RAB38: variants seen among roughly 807,000 people sequenced by gnomAD.
RAB38 encodes the protein RAB38, member RAS oncogene family.
In RAB38, 15 loss-of-function variants were observed where a neutral mutation model predicts 18.4. That is an observed-to-expected ratio of 0.82 (90% CI 0.55 to 1.26). RAB38 has a LOEUF of 1.26. RAB38 is among the 50% of genes most tolerant of loss of function. RAB38 has a pLI of 0.00. For missense variants in RAB38, 294 were observed against 267.4 expected, an observed-to-expected ratio of 1.10 and a Z score of -0.69; for synonymous variants, 101 against 104.4, an observed-to-expected ratio of 0.97 and a Z score of 0.20.
At chr11:87,962,740 G>A in the RAB38 span, among the ~76,000 whole-genome samples, 1 of 152,150 alleles carries the variant, frequency 6.6e-6, no homozygotes, top group African/African-American at 2.4e-5. Context: ...TAAATGTTTT[G>A]AGATTTATTG....
At chr11:88,161,131 T>C (rs1381592949) in intron 1 of RAB38, among the ~76,000 whole-genome samples, 1 of 152,160 alleles carries the variant, frequency 6.6e-6, no homozygotes, top group Non-Finnish European at 1.5e-5. Context: ...ATATGTCATG[T>C]AATGTAGCAC....
chr11:88,008,819 A>G, the RAB38 span, among the ~76,000 whole-genome samples: 17 of 152,122 alleles, frequency 1.1e-4, no homozygotes, highest in Non-Finnish European at 2.4e-4. Flanking sequence ...GACTACAGGC[A>G]CCTGCCACCA....
chr11:88,048,308 G>A, the RAB38 span, among the ~76,000 whole-genome samples: 1 of 152,140 alleles, frequency 6.6e-6, no homozygotes, highest in Non-Finnish European at 1.5e-5. Context: ...TCCTCGGTTT[G>A]GCCTTCTCAC....
chr11:88,038,409 C>A, the RAB38 span, among the ~76,000 whole-genome samples: 1 of 152,130 alleles, frequency 6.6e-6, no homozygotes, highest in Non-Finnish European at 1.5e-5. Context: ...TATTTTTCTC[C>A]ATAATGTTTG....
At chr11:87,870,310 C>G in the RAB38 span, among the ~76,000 whole-genome samples, 1 of 151,544 alleles carries the variant, frequency 6.6e-6, no homozygotes, top group African/African-American at 2.4e-5. Flanking sequence ...GTCAGACACA[C>G]GGATATCATC....
chr11:87,925,091 C>T, the RAB38 span, among the ~76,000 whole-genome samples: 1 of 152,008 alleles, frequency 6.6e-6, no homozygotes, highest in Admixed American at 6.6e-5. Context: ...AGAAGCTCTT[C>T]TCTCTCACTG....
chr11:88,024,917 TAG>T, the RAB38 span, among the ~76,000 whole-genome samples: 1 of 51,670 alleles, frequency 1.9e-5, no homozygotes, highest in Non-Finnish European at 7.5e-5. Context: ...ACAAAAAAAA[TAG>T]TTAGAAAGAA....
the RAB38 span, among the ~76,000 whole-genome samples, chr11:88,017,446 T>C: frequency 2.6e-5 from 4 of 151,978 alleles, no homozygotes; most frequent in Non-Finnish European, 2.9e-5. Flanking sequence ...ACTTCTTCAT[T>C]ATATTTATTC....
chr11:88,117,427 A>T (rs763776140), intron 2 of RAB38, among the ~76,000 whole-genome samples: 2 of 152,226 alleles, frequency 1.3e-5, no homozygotes, highest in Non-Finnish European at 2.9e-5. Context: ...CAGTAACCAC[A>T]GTACTATAAA....
At chr11:87,821,858 A>C in the RAB38 span, among the ~76,000 whole-genome samples, 1 of 152,190 alleles carries the variant, frequency 6.6e-6, no homozygotes, top group East Asian at 1.9e-4. Flanking sequence ...CTTAAAAAAA[A>C]AAAAAAAGGA....
the RAB38 span, among the ~76,000 whole-genome samples, chr11:87,925,403 G>A: frequency 6.6e-6 from 1 of 152,004 alleles, no homozygotes; most frequent in African/African-American, 2.4e-5. Flanking sequence ...CTGTGTTAGG[G>A]TTAGGGTTAG....
chr11:87,811,416 TCTAA>T, the RAB38 span, among the ~76,000 whole-genome samples: 33 of 152,352 alleles, frequency 2.2e-4, no homozygotes, highest in East Asian at 1.2e-3. Context: ...CTCATGCCTA[TCTAA>T]CTACCTGTAA....
the RAB38 span, among the ~76,000 whole-genome samples, chr11:87,804,237 A>T: frequency 6.6e-6 from 1 of 151,630 alleles, no homozygotes; most frequent in East Asian, 1.9e-4. Context: ...TTTACTTTCT[A>T]CCTCTCTCCA....
At chr11:87,977,451 T>C in the RAB38 span, among the ~76,000 whole-genome samples, 4 of 89,112 alleles carry the variant, frequency 4.5e-5, no homozygotes, top group Non-Finnish European at 8.0e-5. Flanking sequence ...ATAATTATAT[T>C]ACATAATATA....
At chr11:88,065,350 C>T in the RAB38 span, among the ~76,000 whole-genome samples, 491 of 152,298 alleles carry the variant, frequency 3.2e-3, 4 homozygotes, top group African/African-American at 0.011. Context: ...CTCCCTTAAA[C>T]CCCAATTTTA....
chr11:88,122,149 G>A (rs1375998087), intron 2 of RAB38, among the ~76,000 whole-genome samples: 1 of 151,980 alleles, frequency 6.6e-6, no homozygotes, highest in Non-Finnish European at 1.5e-5. Flanking sequence ...ACCTTAATAC[G>A]AGGCAGACAC....
the RAB38 span, among the ~76,000 whole-genome samples, chr11:87,867,011 G>C: frequency 3.3e-5 from 5 of 151,870 alleles, no homozygotes; most frequent in South Asian, 8.3e-4. Context: ...CATTGCCTTG[G>C]AAGGTATTTG....
At chr11:87,966,481 G>C in the RAB38 span, among the ~76,000 whole-genome samples, 7 of 151,986 alleles carry the variant, frequency 4.6e-5, no homozygotes, top group African/African-American at 1.7e-4. Flanking sequence ...TTATGACAGG[G>C]GATATAAATA....
At chr11:88,118,785 A>G (rs1443407878) in intron 2 of RAB38, among the ~76,000 whole-genome samples, 1 of 152,218 alleles carries the variant, frequency 6.6e-6, no homozygotes, top group Non-Finnish European at 1.5e-5. Context: ...ACTGATCAGC[A>G]AGTCTCAGAA....
Sources: gnomAD v4.1 joint callset for allele counts (sites outside exome capture counted in the v4.1 genomes callset) on GRCh38, gnomAD v4.1.1 for gene constraint, MANE v1.5 for transcripts, NCBI Gene and HGNC (gene_info 2026-07-23, HGNC 2026-07-21) for gene names.